RPAP3: variants seen among roughly 807,000 people sequenced by gnomAD.
RPAP3 encodes RNA polymerase II-associated protein 3.
Under a neutral mutation model 88.8 loss-of-function variants are expected in RPAP3, and 58 were observed. The observed-to-expected ratio is 0.65, with a 90% CI of 0.53 to 0.81. The LOEUF (loss-of-function observed/expected upper bound fraction) is 0.81, where lower values mean the gene tolerates loss of function less well. Among genes scored for constraint, RPAP3 ranks in the 40% least tolerant of loss-of-function variants. The pLI, the probability that RPAP3 is intolerant of heterozygous loss-of-function variation, is 0.00. For missense variants in RPAP3, 751 were observed against 764.3 expected (o/e 0.98, Z 0.20); for synonymous variants, 255 against 259.9 (o/e 0.98, Z 0.18).
rs1938806902 is a variant in RPAP3 at position 47,663,739 on chromosome 12, A to T, written c.1913-149T>A. ...TAAATTCTAATTCAGATATTTAAAA[A>T]GCCAATCTGAGAACACAAAATTATA... On this transcript the variant is annotated intron_variant, in intron 16 of 16. Transcript: ENST00000005386. The T allele has an allele frequency of 8.3e-6, 4 of 480,416 alleles. No homozygotes were observed. The Admixed American group carries it at 1.6e-4, about 19-fold the overall frequency. The allele number at this position is 480,416 out of a possible 1,614,324, so 29.8% of individuals were successfully genotyped here.
At chr12:47,693,290 A>G (rs1321366439) in intron 5 of RPAP3, among the ~76,000 whole-genome samples, 1 of 152,176 alleles carries the variant, frequency 6.6e-6, no homozygotes, top group African/African-American at 2.4e-5. Context: ...TGGTCAATGA[A>G]GCAGACAGAA....
intron 12 of RPAP3, among the ~76,000 whole-genome samples, chr12:47,674,614 T>C (rs1227946560): frequency 6.6e-5 from 10 of 152,160 alleles, no homozygotes; most frequent in Non-Finnish European, 1.3e-4. Context: ...CAAGCTTCAG[T>C]AGCTGATTCG....
chr12:47,693,123 C>T (rs761708817), intron 5 of RPAP3, among the ~76,000 whole-genome samples: 4 of 152,062 alleles, frequency 2.6e-5, no homozygotes, highest in Admixed American at 2.0e-4. Flanking sequence ...TCAAGTGATC[C>T]GCCCGCCTCA....
At chr12:47,690,462 T>C (rs1939406832) in intron 6 of RPAP3, 56 bp downstream of exon 6, 6 of 1,428,404 alleles carry the variant, frequency 4.2e-6, no homozygotes, top group South Asian at 1.5e-5. Flanking sequence ...ATTCTCCATA[T>C]AGCATCTGTG....
At chr12:47,674,140 G>A (rs1338702551) in intron 12 of RPAP3, among the ~76,000 whole-genome samples, 1 of 145,180 alleles carries the variant, frequency 6.9e-6, no homozygotes, top group Non-Finnish European at 1.5e-5. Flanking sequence ...TTTCCTTTAC[G>A]AGTTAGGGGG....
chr12:47,681,895 T>C, intron 9 of RPAP3, 78 bp from the exon 10 acceptor site: 1 of 1,361,098 alleles, frequency 7.3e-7, no homozygotes, highest in Non-Finnish European at 9.8e-7. Context: ...GTTTCTAATT[T>C]AAAAAGCTTG....
At chr12:47,695,659 T>C (rs1939511381) in intron 5 of RPAP3, among the ~76,000 whole-genome samples, 1 of 152,186 alleles carries the variant, frequency 6.6e-6, no homozygotes, top group African/African-American at 2.4e-5. Flanking sequence ...TAGAGATTAA[T>C]ATCATGAGTT....
chr12:47,672,002 T>TGA (rs750612256), intron 12 of RPAP3, among the ~76,000 whole-genome samples: 9 of 137,732 alleles, frequency 6.5e-5, no homozygotes, highest in African/African-American at 1.1e-4. Context: ...AAAAAAAAAG[T>TGA]GAGAGAGAGA....
chr12:47,697,680 G>T lies in RPAP3; in HGVS notation c.334C>A (p.His112Asn). The T allele has an allele frequency of 6.2e-7, 1 of 1,607,856 alleles. No homozygotes were observed. The highest frequency in any genetic ancestry group is 8.5e-7 in the Non-Finnish European group (1 of 1,177,212). Residue 112 changes from histidine to asparagine, a missense_variant, in exon 4 of 17, where the codon CAT (histidine) becomes AAT (asparagine). Transcript: ENST00000005386. ...LDELDKDDST[H>N]ESLSQESESE... Reference sequence around the variant, plus strand: ...TCTGATTCTTGAGACAGAGACTCATGGGTACTATCGTCTTTGTCAAGCTCA... The same window carrying T: ...TCTGATTCTTGAGACAGAGACTCATTGGTACTATCGTCTTTGTCAAGCTCA...
chr12:47,679,652 A>G (rs1217774062), intron 11 of RPAP3, 52 bp downstream of exon 11: 1 of 1,524,988 alleles, frequency 6.6e-7, no homozygotes, highest in Non-Finnish European at 9.0e-7. Context: ...ACAAATAAAT[A>G]TATTTATGTT....
chr12:47,681,871 G>A lies in RPAP3; in HGVS notation c.993-54C>T, dbSNP rs1308356801. 4.7e-6 allele frequency: 7 copies of A among 1,495,808 alleles called. No homozygotes were observed. The Admixed American group carries it at 1.8e-4, about 37-fold the overall frequency. The allele number at this position is 1,495,808 out of a possible 1,614,324, so 92.7% of individuals were successfully genotyped here. A position where few individuals can be genotyped will look rare whatever the true frequency, so the allele number is the denominator to read the frequency against. On this transcript the variant is annotated intron_variant, in intron 9 of 16. Coordinates refer to ENST00000005386, the MANE Select transcript of RPAP3 (RefSeq NM_024604.3). ...GAAAAAAGGCAGCTTATGGAAAAAT[G>A]TCATATAAACTAAGTTTCTAATTTA...
At position 47,687,997 on chromosome 12, in the gene RPAP3, A is replaced by G. The variant is rs149831248; in HGVS notation, c.743T>C (p.Leu248Ser). ...TNELRKISQA[L>S]ASKENSYPKE... ...TGGATATGAGTTTTCTTTGGATGCT[A>G]AAGCCTAGGAGACATAGCAGTCAGC... The change falls in exon 8 of 17, where the codon TTA becomes TCA. Residue 248 changes from leucine to serine, a missense_variant. Physicochemically the swap from Leu to Ser is moderately radical, Grantham distance 145. Transcript: ENST00000005386. 4.3e-6 allele frequency: 7 copies of G among 1,611,748 alleles called. No homozygotes were observed. Among genetic ancestry groups the G allele is most frequent in the Middle Eastern group, 1.6e-4 (1 of 6,064 alleles).
chr12:47,688,699 T>C (rs1233055), intron 7 of RPAP3, among the ~76,000 whole-genome samples: 20,338 of 152,162 alleles, frequency 0.13, 1,695 homozygotes, highest in East Asian at 0.37. Flanking sequence ...TTTAAACATA[T>C]GTAATACAGT....
At chr12:47,700,334 A>G (rs1408139150) in intron 3 of RPAP3, among the ~76,000 whole-genome samples, 2 of 152,166 alleles carry the variant, frequency 1.3e-5, no homozygotes, top group Non-Finnish European at 2.9e-5. Flanking sequence ...ATTAGAAAGG[A>G]GCATACCAGT....
At chr12:47,701,789 T>C (rs1364391647) in intron 2 of RPAP3, among the ~76,000 whole-genome samples, 185 bp from the exon 3 acceptor site, 2 of 152,218 alleles carry the variant, frequency 1.3e-5, no homozygotes, top group African/African-American at 2.4e-5. Flanking sequence ...ATTCATACTT[T>C]GATGAGTGTT....
chr12:47,692,902 C>A (rs1939454915), intron 5 of RPAP3, among the ~76,000 whole-genome samples: 1 of 152,126 alleles, frequency 6.6e-6, no homozygotes, highest in Admixed American at 6.5e-5. Flanking sequence ...TGCTTTGAGA[C>A]AGAGCGTCAC....
chr12:47,679,067 C>T (rs190212149), intron 12 of RPAP3, among the ~76,000 whole-genome samples: 20 of 152,292 alleles, frequency 1.3e-4, no homozygotes, highest in African/African-American at 4.6e-4. Flanking sequence ...TACTATGCAG[C>T]CATAAAAAAC....
At position 47,679,399 on chromosome 12, in the gene RPAP3, A is replaced by T. The variant is rs1939178748; in HGVS notation, c.1287+94T>A. 35 of 751,016 alleles carry T rather than the reference A, an allele frequency of 4.7e-5. 1 individual carries two copies. The South Asian group carries it at 6.7e-4, about 14-fold the overall frequency. The allele number at this position is 751,016 out of a possible 1,614,324, so 46.5% of individuals were successfully genotyped here. On this transcript the variant is annotated intron_variant, in intron 12 of 16. Transcript: ENST00000005386. ...TACCCTAGAACTTAAAGTATAATTA[A>T]AAAAAAAAAGTTTATTAATACAATA...
At chr12:47,692,550 C>T (rs1415142258) in intron 5 of RPAP3, among the ~76,000 whole-genome samples, 9 of 152,216 alleles carry the variant, frequency 5.9e-5, no homozygotes. Context: ...GCATTAGAGC[C>T]TTGCACTGGA....
Sources: gnomAD v4.1 joint callset for allele counts (sites outside exome capture counted in the v4.1 genomes callset) on GRCh38, gnomAD v4.1.1 for gene constraint, MANE v1.5 for transcripts, NCBI Gene and HGNC (gene_info 2026-07-23, HGNC 2026-07-21) for gene names.